The following CD99L2 variants were observed in gnomAD, a reference collection of about 807,000 sequenced individuals.
The protein encoded by CD99L2 is CD99 molecule like 2.
In CD99L2, 24 loss-of-function variants were observed where a neutral mutation model predicts 27.3. The observed-to-expected ratio is 0.88, with a 90% CI of 0.64 to 1.24. CD99L2 has a LOEUF of 1.24. Among genes scored for constraint, CD99L2 ranks in the 50% most tolerant of loss-of-function variants. The probability of loss-of-function intolerance (pLI) is 0.00; values close to 1 mark genes in which losing one functional copy is unlikely to be tolerated. For missense variants in CD99L2, 255 were observed against 221.6 expected (o/e 1.15, Z -0.96); for synonymous variants, 97 against 87.9 (o/e 1.10, Z -0.58).
chrX:150,881,591 A>T (rs1326289788), intron 1 of CD99L2, among the ~76,000 whole-genome samples: 1 of 112,221 alleles, frequency 8.9e-6, no homozygotes, highest in Non-Finnish European at 1.9e-5. Flanking sequence ...CTCAATTAAC[A>T]GTTCTTGGAG....
At chrX:150,861,830 T>C (rs1471913982) in intron 1 of CD99L2, among the ~76,000 whole-genome samples, 9 of 108,304 alleles carry the variant, frequency 8.3e-5, no homozygotes, top group African/African-American at 3.0e-4. Context: ...AGCTTGAACC[T>C]GGGATGCAGA....
At chrX:150,855,042 T>C (rs782310963) in intron 1 of CD99L2, among the ~76,000 whole-genome samples, 1 of 111,699 alleles carries the variant, frequency 9.0e-6, no homozygotes, top group East Asian at 2.8e-4. Flanking sequence ...ACTTTGCTGC[T>C]CTGTGCTCTC....
At chrX:150,844,933 C>T (rs2046678768) in intron 1 of CD99L2, among the ~76,000 whole-genome samples, 1 of 111,739 alleles carries the variant, frequency 8.9e-6, no homozygotes. Context: ...GAGATGCAAG[C>T]GCCATGTCTA....
In CD99L2 at chrX:150,789,436, A is replaced by T. The variant is rs782445570; in HGVS notation, c.496+4255T>A. On this transcript the variant is annotated intron_variant, in intron 7 of 10. Coordinates refer to ENST00000370377, the MANE Select transcript of CD99L2 (RefSeq NM_031462.4). Reference sequence around the variant, plus strand: ...CACGCCCGGCCTATGAATTCTTTATATCATCTGAATACAAGTCCTTTATCA... The same window carrying T: ...CACGCCCGGCCTATGAATTCTTTATTTCATCTGAATACAAGTCCTTTATCA... 2.5e-3 allele frequency among the ~76,000 whole-genome samples: 283 copies of T among 112,084 alleles called. 1 individual carries two copies. The highest frequency in any genetic ancestry group is 8.8e-3 in the African/African-American group (272 of 30,891).
At chrX:150,867,092 CTTTTA>C (rs1239917010) in intron 1 of CD99L2, among the ~76,000 whole-genome samples, 1 of 111,465 alleles carries the variant, frequency 9.0e-6, no homozygotes, top group African/African-American at 3.3e-5. Context: ...TCCTTTTTTA[CTTTTA>C]TTTTTTAATT....
intron 1 of CD99L2, among the ~76,000 whole-genome samples, chrX:150,835,331 C>T (rs2046510732): frequency 8.9e-6 from 1 of 112,218 alleles, no homozygotes; most frequent in Non-Finnish European, 1.9e-5. Context: ...CCTATAAATA[C>T]ATACAAAGAT....
chrX:150,865,080 A>AG (rs1557422000), intron 1 of CD99L2, among the ~76,000 whole-genome samples: 1 of 110,331 alleles, frequency 9.1e-6, no homozygotes. Context: ...AAAAAAAAAA[A>AG]AATTAAATTT....
At chrX:150,848,897 A>T (rs1240208260) in intron 1 of CD99L2, among the ~76,000 whole-genome samples, 2 of 110,992 alleles carry the variant, frequency 1.8e-5, no homozygotes, top group Non-Finnish European at 3.8e-5. Context: ...TGGCACTACA[A>T]AGAATAAGTT....
intron 1 of CD99L2, among the ~76,000 whole-genome samples, chrX:150,849,155 A>G (rs977279608): frequency 6.3e-5 from 7 of 111,783 alleles, no homozygotes; most frequent in Middle Eastern, 4.6e-3. Context: ...TCACACTCAA[A>G]TTCAACACCT....
At chrX:150,861,483 T>G (rs1031070859) in intron 1 of CD99L2, among the ~76,000 whole-genome samples, 1 of 111,856 alleles carries the variant, frequency 8.9e-6, no homozygotes, top group Non-Finnish European at 1.9e-5. Flanking sequence ...TGATTTTTGA[T>G]GAAGGCACCA....
chrX:150,807,240 C>G, intron 4 of CD99L2, among the ~76,000 whole-genome samples: 1 of 111,099 alleles, frequency 9.0e-6, no homozygotes, highest in East Asian at 2.8e-4. Context: ...AGCAGACCAG[C>G]AGGCACTATA....
chrX:150,787,321 T>C lies in CD99L2; in HGVS notation c.496+6370A>G, dbSNP rs1203317675. ...CAAAGGTCCTATGTCCAGAATAGTA[T>C]TGCCTAGCTTGTCTTCAGGGTTTTC... On this transcript the variant is annotated intron_variant, in intron 7 of 10. Coordinates refer to ENST00000370377, the MANE Select transcript of CD99L2 (RefSeq NM_031462.4). Among the ~76,000 whole-genome samples the C allele has an allele frequency of 3.6e-5, 4 of 111,942 alleles. No homozygotes were observed. In the East Asian group the frequency reaches 8.4e-4, roughly 24 times the overall value.
chrX:150,794,434 A>T (rs1238897484), intron 6 of CD99L2, among the ~76,000 whole-genome samples: 1 of 112,254 alleles, frequency 8.9e-6, no homozygotes, highest in Non-Finnish European at 1.9e-5. Context: ...GTGGGATAAT[A>T]AATGGGTGTT....
At chrX:150,778,682 AAAAATAT>A (rs61054457) in intron 7 of CD99L2, among the ~76,000 whole-genome samples, 1,693 of 20,548 alleles carry the variant, frequency 0.082, 25 homozygotes, top group South Asian at 0.11. Flanking sequence ...ATAAAAAAAA[AAAAATAT>A]ATATATATAT....
Position 150,769,037 on chromosome X carries a change from G to C in CD99L2, c.786C>G (p.Ile262Met). The C allele has an allele frequency of 8.7e-7, 1 of 1,151,218 alleles. No individual in the cohort carries two copies. Among genetic ancestry groups the C allele is most frequent in the Non-Finnish European group, 1.1e-6 (1 of 874,251 alleles). 94.9% of individuals were successfully genotyped at this position (1,151,218 alleles called of 1,213,427 possible). A position where few individuals can be genotyped will look rare whatever the true frequency, so the allele number is the denominator to read the frequency against. The change falls in exon 11 of 11, where the codon ATC becomes ATG. Residue 262 changes from isoleucine to methionine, a missense_variant. By Grantham distance (10) the Ile-to-Met change is conservative. Transcript: ENST00000370377. ...TGCCTGCAGCTGGACAGGGCCCTCA[G>C]ATCCGGGCTGGTTCGGGCGGCGGCG... ...EPPPPPEPAR[I>M]
chrX:150,868,116 ATAATAATAATATAT>A (rs1226955005), intron 1 of CD99L2, among the ~76,000 whole-genome samples: 12 of 106,567 alleles, frequency 1.1e-4, no homozygotes, highest in Non-Finnish European at 1.9e-4. Flanking sequence ...AATAATAATA[ATAATAATAATATAT>A]TGTATGGTGC....
intron 1 of CD99L2, among the ~76,000 whole-genome samples, chrX:150,898,089 G>A (rs1557423135): frequency 1.5e-5 from 1 of 67,351 alleles, no homozygotes; most frequent in African/African-American, 5.2e-5. Context: ...CATGCCCGCT[G>A]TGATCCCGAT....
intron 8 of CD99L2, 121 bp downstream of exon 8, chrX:150,777,323 G>A (rs1219618950): frequency 1.2e-6 from 1 of 833,922 alleles, no homozygotes; most frequent in Non-Finnish European, 1.7e-6. Context: ...AGTAGAATGG[G>A]AGGCACGTTT....
chrX:150,816,821 G>A (rs782068069), intron 2 of CD99L2, among the ~76,000 whole-genome samples: 22 of 109,523 alleles, frequency 2.0e-4, no homozygotes, highest in Non-Finnish European at 4.0e-4. Flanking sequence ...TGATAGACTG[G>A]AATAAGAAAA....
Sources: allele counts gnomAD v4.1 joint callset (sites outside exome capture counted in the v4.1 genomes callset), GRCh38; gene constraint gnomAD v4.1.1; transcripts MANE v1.5; gene names NCBI Gene and HGNC (gene_info 2026-07-23, HGNC 2026-07-21).